GALNT2: variants seen among roughly 807,000 people sequenced by gnomAD.
GALNT2 encodes UDP-GalNAc:polypeptide N-acetylgalactosaminyltransferase 2.
A neutral mutation model predicts 81.4 loss-of-function variants in GALNT2; 31 were observed. The observed-to-expected ratio is 0.38, with a 90% CI of 0.29 to 0.51. The LOEUF is 0.51. GALNT2 is among the 20% of genes least tolerant of loss of function. The pLI, the probability that GALNT2 is intolerant of heterozygous loss-of-function variation, is 0.87. For missense variants in GALNT2, 629 were observed against 765.7 expected (o/e 0.82, Z 2.11); for synonymous variants, 303 against 287.4 (o/e 1.05, Z -0.55).
chr1:230,140,054 G>A lies in GALNT2; in HGVS notation c.127-38164G>A, dbSNP rs548741797. ...GAGGCTGTGCCTGGTCCAGGCTGCC[G>A]GGTCCCTGCGTCAGCTGTACTGGAA... On this transcript the variant is annotated intron_variant, in intron 1 of 15. Transcript: ENST00000366672. Among the ~76,000 whole-genome samples the A allele has an allele frequency of 2.2e-4, 34 of 152,352 alleles. No homozygotes were observed. In the South Asian group the frequency reaches 3.7e-3, roughly 17 times the overall value.
intron 1 of GALNT2, among the ~76,000 whole-genome samples, chr1:230,122,620 G>A (rs2102803054): frequency 6.6e-6 from 1 of 152,164 alleles, no homozygotes; most frequent in South Asian, 2.1e-4. Flanking sequence ...GGCTCTGTGT[G>A]TGTGTGTGTG....
chr1:230,239,175 A>G (rs1375215650), intron 6 of GALNT2, among the ~76,000 whole-genome samples: 2 of 152,046 alleles, frequency 1.3e-5, no homozygotes, highest in Non-Finnish European at 2.9e-5. Context: ...GATTTTGGTA[A>G]TTTATATCTT....
intron 11 of GALNT2, among the ~76,000 whole-genome samples, chr1:230,261,623 A>G (rs1665878854): frequency 6.6e-6 from 1 of 152,240 alleles, no homozygotes; most frequent in Non-Finnish European, 1.5e-5. Flanking sequence ...CTTTTAATGC[A>G]TGTCAGACAT....
intron 2 of GALNT2, among the ~76,000 whole-genome samples, chr1:230,189,855 G>T (rs1663460592): frequency 6.6e-6 from 1 of 152,126 alleles, no homozygotes; most frequent in Non-Finnish European, 1.5e-5. Context: ...CTATGAATTT[G>T]GTTCCTCTGG....
intron 11 of GALNT2, chr1:230,262,182 C>G: frequency 5.6e-6 from 1 of 178,854 alleles, no homozygotes; most frequent in Non-Finnish European, 1.2e-5. Context: ...CCTTGCTGTG[C>G]TCTGTGGCCC....
intron 1 of GALNT2, among the ~76,000 whole-genome samples, chr1:230,128,584 C>T (rs560282570): frequency 8.2e-6 from 1 of 122,508 alleles, no homozygotes; most frequent in Non-Finnish European, 1.6e-5. Flanking sequence ...CAGGAATGAT[C>T]TTAGAGAAGG....
At position 230,077,312 on chromosome 1, in the gene GALNT2, G is replaced by A. The variant is rs543539754; in HGVS notation, c.126+9906G>A. On this transcript the variant is annotated intron_variant, in intron 1 of 15. Transcript: ENST00000366672. ...CTGCCCTTGTCCTGCCCCATCCCCTGTGCCAGGGAGCTCACTTAGTTGTCT... is the reference window on the plus strand; with the variant it reads ...CTGCCCTTGTCCTGCCCCATCCCCTATGCCAGGGAGCTCACTTAGTTGTCT... Among the ~76,000 whole-genome samples, 9 of 152,264 alleles carry A rather than the reference G, an allele frequency of 5.9e-5. No homozygotes were observed. In the South Asian group the frequency reaches 1.7e-3, roughly 28 times the overall value.
chr1:230,254,577 A>G (rs1178118072), intron 10 of GALNT2, among the ~76,000 whole-genome samples: 4 of 152,154 alleles, frequency 2.6e-5, no homozygotes, highest in Non-Finnish European at 4.4e-5. Context: ...CTGCTAATAC[A>G]CAGGGACTTG....
intron 11 of GALNT2, among the ~76,000 whole-genome samples, chr1:230,260,697 A>G (rs947737417): frequency 3.3e-5 from 5 of 152,318 alleles, no homozygotes; most frequent in African/African-American, 1.2e-4. Context: ...CCCACTAACA[A>G]TGTTTAGTGG....
At chr1:230,146,985 G>C (rs901991601) in intron 1 of GALNT2, among the ~76,000 whole-genome samples, 4 of 152,236 alleles carry the variant, frequency 2.6e-5, no homozygotes, top group African/African-American at 9.6e-5. Context: ...GGGACAGACA[G>C]GAGGCAGGTG....
At chr1:230,066,265 C>T (rs1016959618), upstream of GALNT2, among the ~76,000 whole-genome samples, 1 of 152,114 alleles carries the variant, frequency 6.6e-6, no homozygotes, top group Admixed American at 6.5e-5. Flanking sequence ...GGAAGCTTTG[C>T]GTGTTGCAAG....
intron 1 of GALNT2, among the ~76,000 whole-genome samples, chr1:230,087,748 G>A (rs1659942290): frequency 6.6e-6 from 1 of 152,204 alleles, no homozygotes; most frequent in African/African-American, 2.4e-5. Context: ...TTGAATATCT[G>A]TTTGGACTTT....
chr1:230,201,915 C>A (rs1254398291), intron 2 of GALNT2, among the ~76,000 whole-genome samples: 1 of 152,202 alleles, frequency 6.6e-6, no homozygotes, highest in Non-Finnish European at 1.5e-5. Context: ...ACCCTGTACT[C>A]CCTGCCCCCA....
At chr1:230,198,188 AGGTG>A (rs1663764445) in intron 2 of GALNT2, among the ~76,000 whole-genome samples, 1 of 152,192 alleles carries the variant, frequency 6.6e-6, no homozygotes, top group South Asian at 2.1e-4. Context: ...AGCCCTTAAC[AGGTG>A]CTTGTGGACT....
At chr1:230,141,067 AAC>A (rs1214664957) in intron 1 of GALNT2, among the ~76,000 whole-genome samples, 3 of 152,380 alleles carry the variant, frequency 2.0e-5, no homozygotes, top group African/African-American at 7.2e-5. Context: ...ATCTGTAGGT[AAC>A]CATGCTTAAA....
chr1:230,142,676 A>G (rs773593699), intron 1 of GALNT2, among the ~76,000 whole-genome samples: 10 of 152,030 alleles, frequency 6.6e-5, no homozygotes, highest in Non-Finnish European at 1.2e-4. Flanking sequence ...CTGGAAGTCT[A>G]AAGTGTAACT....
intron 1 of GALNT2, among the ~76,000 whole-genome samples, chr1:230,156,466 CCTT>C (rs1373537003): frequency 1.3e-5 from 2 of 152,030 alleles, no homozygotes; most frequent in Admixed American, 1.3e-4. Context: ...TCAAGAGACT[CCTT>C]TTTGCGTTTC....
At chr1:230,064,464 A>G (rs529636616), upstream of GALNT2, among the ~76,000 whole-genome samples, 6 of 152,296 alleles carry the variant, frequency 3.9e-5, no homozygotes, top group Admixed American at 1.3e-4. Context: ...CATTCAGGTC[A>G]TATCTGTTTG....
intron 3 of GALNT2, among the ~76,000 whole-genome samples, chr1:230,204,386 C>G (rs1182778800): frequency 6.6e-6 from 1 of 151,454 alleles, no homozygotes; most frequent in Non-Finnish European, 1.5e-5. Context: ...CCAGGCTGGT[C>G]TCAAACTCCA....
Sources: gnomAD v4.1 joint callset for allele counts (sites outside exome capture counted in the v4.1 genomes callset) on GRCh38, gnomAD v4.1.1 for gene constraint, MANE v1.5 for transcripts, NCBI Gene and HGNC (gene_info 2026-07-23, HGNC 2026-07-21) for gene names.